The following NIPSNAP3B variants were observed in gnomAD, a reference collection of about 807,000 sequenced individuals.
NIPSNAP3B encodes nipsnap homolog 3B.
In NIPSNAP3B, 30 loss-of-function variants were observed where a neutral mutation model predicts 31.5. That is an observed-to-expected ratio of 0.95 (90% CI 0.71 to 1.29). The LOEUF (loss-of-function observed/expected upper bound fraction) is 1.29. NIPSNAP3B is among the 50% of genes most tolerant of loss of function. The pLI is 0.00. For synonymous variants in NIPSNAP3B, 106 were observed against 107.9 expected, an observed-to-expected ratio of 0.98 and a Z score of 0.11; for missense variants, 269 against 300.7, an observed-to-expected ratio of 0.89 and a Z score of 0.78.
chr9:104,789,456 A>T, the NIPSNAP3B span, among the ~76,000 whole-genome samples: 3 of 152,232 alleles, frequency 2.0e-5, no homozygotes, highest in Non-Finnish European at 2.9e-5. Flanking sequence ...AAGAGACAGG[A>T]GAGGAGATCA....
the NIPSNAP3B span, chr9:104,784,358 G>A: frequency 3.7e-6 from 6 of 1,614,134 alleles, no homozygotes; most frequent in Non-Finnish European, 5.1e-6. Context: ...TAGAAAAGAT[G>A]TGAGAACTGC....
chr9:104,785,546 T>C, the NIPSNAP3B span: 1 of 1,613,782 alleles, frequency 6.2e-7, no homozygotes, highest in Non-Finnish European at 8.5e-7. Context: ...TTAGAACACT[T>C]CCAGGAAATG....
the NIPSNAP3B span, chr9:104,785,720 G>C: frequency 6.3e-7 from 1 of 1,586,426 alleles, no homozygotes; most frequent in African/African-American, 1.3e-5. Flanking sequence ...AACCCAACTT[G>C]TGCCATGAAA....
At chr9:104,772,361 C>T (rs1159281378) in intron 4 of NIPSNAP3B, among the ~76,000 whole-genome samples, 1 of 151,922 alleles carries the variant, frequency 6.6e-6, no homozygotes, top group African/African-American at 2.4e-5. Context: ...TTTAAAAAAT[C>T]TGTTACTAAG....
At chr9:104,781,924 T>C (rs955315626), downstream of NIPSNAP3B, 5 of 152,152 alleles carry the variant, frequency 3.3e-5, no homozygotes, top group African/African-American at 1.2e-4. Flanking sequence ...TTTTAAAAGG[T>C]AACACAGTAT....
rs1009219392 is a variant in NIPSNAP3B, at chr9:104,770,203, C to G, written c.431-646C>G. ...TTTGTATTTCTTTCCTTTTTCTTGT[C>G]CAATCTACCTTGTCCTCTAGTTTCT... On this transcript the variant is annotated intron_variant, in intron 3 of 5. Transcript: ENST00000374762. Among the ~76,000 whole-genome samples the G allele has an allele frequency of 2.0e-5, 3 of 152,058 alleles. No homozygotes were observed. The East Asian group carries it at 5.8e-4, about 29-fold the overall frequency.
Position 104,772,905 on chromosome 9 carries a change from G to T in NIPSNAP3B, c.664G>T (p.Ala222Ser), listed in dbSNP as rs1828256092. ...KSHEDPRVVA[A>S]VRESVNYLVS... is the part of the protein sequence containing the mutation. ...CCATGAGGATCCCAGAGTTGTGGCG[G>T]CTGGTAAGCTGTTTCACTAAGCACG... Residue 222 changes from alanine (A) to serine (S), a missense_variant, in exon 5 of 6, where the codon GCT becomes TCT. Ala to Ser is a moderately conservative substitution (Grantham distance 99). Transcript: ENST00000374762. The T allele has an allele frequency of 6.2e-7, 1 of 1,613,512 alleles. No homozygotes were observed. The highest frequency in any genetic ancestry group is 8.5e-7 in the Non-Finnish European group (1 of 1,179,764).
chr9:104,779,854 A>G (rs757578645), downstream of NIPSNAP3B, among the ~76,000 whole-genome samples: 6 of 152,082 alleles, frequency 3.9e-5, no homozygotes, highest in Non-Finnish European at 7.4e-5. Flanking sequence ...CGTATAGTGA[A>G]ACCCCATCTC....
chr9:104,787,109 CAAAGA>C, the NIPSNAP3B span: 1 of 693,538 alleles, frequency 1.4e-6, no homozygotes, highest in Non-Finnish European at 2.4e-6. Flanking sequence ...CTTGATGAAT[CAAAGA>C]ATTAGAGTAA....
rs1162195623 is a variant in NIPSNAP3B, at chr9:104,776,967, C to T, written c.*3894C>T. The stretch of plus-strand genomic sequence containing the variant: ...ATTACATAACTGTTATTGGAAGTGC[C>T]TCACTACTCCATTTGGAAAGTATTC... On this transcript the variant is annotated 3_prime_UTR_variant, in exon 6 of 6. Transcript: ENST00000374762. Among the ~76,000 whole-genome samples the T allele has an allele frequency of 1.3e-5, 2 of 152,134 alleles. No individual in the cohort carries two copies. The highest frequency in any genetic ancestry group is 4.8e-5 in the African/African-American group (2 of 41,426).
At chr9:104,765,908 T>A (rs1460298925) in intron 1 of NIPSNAP3B, among the ~76,000 whole-genome samples, 1 of 152,170 alleles carries the variant, frequency 6.6e-6, no homozygotes, top group Non-Finnish European at 1.5e-5. Flanking sequence ...AAAAGGCATG[T>A]GTACTTAATA....
the NIPSNAP3B span, chr9:104,785,590 C>G: frequency 6.2e-7 from 1 of 1,614,010 alleles, no homozygotes; most frequent in African/African-American, 1.3e-5. Context: ...GGCTTCAGGT[C>G]CGGGTTGGAC....
chr9:104,767,769 C>G (rs1828119373), intron 2 of NIPSNAP3B, among the ~76,000 whole-genome samples: 1 of 152,128 alleles, frequency 6.6e-6, no homozygotes, highest in South Asian at 2.1e-4. Flanking sequence ...CTCGTAAAGT[C>G]TTTACAATTC....
At chr9:104,788,511 T>A in the NIPSNAP3B span, 1 of 1,614,186 alleles carries the variant, frequency 6.2e-7, no homozygotes, top group Non-Finnish European at 8.5e-7. Flanking sequence ...TGTGATGGCA[T>A]CAAACTGAGG....
At chr9:104,790,256 G>T in the NIPSNAP3B span, among the ~76,000 whole-genome samples, 27 of 152,276 alleles carry the variant, frequency 1.8e-4, no homozygotes, top group African/African-American at 6.5e-4. Context: ...CAATTTGTAT[G>T]CTCTTTAGAG....
chr9:104,768,177 C>A (rs1564057363), intron 2 of NIPSNAP3B, among the ~76,000 whole-genome samples: 1 of 151,742 alleles, frequency 6.6e-6, no homozygotes, highest in Non-Finnish European at 1.5e-5. Context: ...TATACTAGGC[C>A]CATATCTTGG....
chr9:104,787,874 TCCA>T, the NIPSNAP3B span: 1 of 1,613,762 alleles, frequency 6.2e-7, no homozygotes, highest in African/African-American at 1.3e-5. Context: ...AGTCATGTTT[TCCA>T]CTCAGGCCAG....
At chr9:104,766,564 G>A (rs987327115) in intron 2 of NIPSNAP3B, 29 bp downstream of exon 2, 29 of 1,586,286 alleles carry the variant, frequency 1.8e-5, no homozygotes, top group Non-Finnish European at 2.3e-5. Context: ...TTAGTATTCA[G>A]TATAGATTTT....
chr9:104,773,153 T>C lies in NIPSNAP3B; in HGVS notation c.*80T>C, dbSNP rs538114519. 1.4e-6 allele frequency: 2 copies of C among 1,407,152 alleles called. No homozygotes were observed. Among genetic ancestry groups the C allele is most frequent in the South Asian group, 2.4e-5 (2 of 82,354 alleles). 87.2% of individuals were successfully genotyped at this position (1,407,152 alleles called of 1,614,324 possible). A position where few individuals can be genotyped will look rare whatever the true frequency, so the allele number is the denominator to read the frequency against. On this transcript the variant is annotated 3_prime_UTR_variant, in exon 6 of 6. Coordinates refer to ENST00000374762, the MANE Select transcript of NIPSNAP3B (RefSeq NM_018376.4). ...TGGTGCTTAAATTCTCCCAAGAGGT[T>C]CTCGCTTTTATTTGAAGGAGGTGGT...
Sources: gnomAD v4.1 joint callset for allele counts (sites outside exome capture counted in the v4.1 genomes callset) on GRCh38, gnomAD v4.1.1 for gene constraint, MANE v1.5 for transcripts, NCBI Gene and HGNC (gene_info 2026-07-23, HGNC 2026-07-21) for gene names.